SPTBN1: variants seen among roughly 807,000 people sequenced by gnomAD.
SPTBN1 encodes spectrin beta, non-erythrocytic 1.
A neutral mutation model predicts 266.4 loss-of-function variants in SPTBN1; 32 were observed. That is an observed-to-expected ratio of 0.12 (90% confidence interval 0.09 to 0.16). SPTBN1 has a LOEUF of 0.16. Among genes scored for constraint, SPTBN1 ranks in the 10% least tolerant of loss-of-function variants. The pLI is 1.00. For synonymous variants in SPTBN1, 1,336 were observed against 1,162.2 expected, an observed-to-expected ratio of 1.15 and a Z score of -3.04; for missense variants, 2,296 against 3,067.1, an observed-to-expected ratio of 0.75 and a Z score of 5.94.
At chr2:54,623,629 ACCT>A (rs1426174978) in intron 10 of SPTBN1, 33 bp downstream of exon 10, 1 of 1,559,812 alleles carries the variant, frequency 6.4e-7, no homozygotes, top group East Asian at 2.2e-5. Context: ...ATGGGCCCTG[ACCT>A]CCTGGAGGCT....
chr2:54,462,078 T>C (rs1386236705), intron 1 of SPTBN1, among the ~76,000 whole-genome samples: 1 of 152,252 alleles, frequency 6.6e-6, no homozygotes, highest in Non-Finnish European at 1.5e-5. Context: ...GTACTGGCCT[T>C]GAGCTAGTTA....
chr2:54,512,937 G>A (rs1186605060), intron 1 of SPTBN1, among the ~76,000 whole-genome samples: 1 of 152,212 alleles, frequency 6.6e-6, no homozygotes, highest in Non-Finnish European at 1.5e-5. Context: ...GGTGGCTTAG[G>A]CATGTAATCC....
rs375130631 is a variant in SPTBN1, at chr2:54,628,222, C to T, written c.1770C>T (p.Ser590=). The T allele has an allele frequency of 3.5e-5, 56 of 1,613,428 alleles. No homozygotes were observed. Among genetic ancestry groups the T allele is most frequent in the Middle Eastern group, 3.3e-4 (2 of 6,074 alleles). Residue 590 remains serine, a synonymous_variant, in exon 13 of 36, where the codon TCC becomes TCT. Transcript: ENST00000356805. The surrounding 1 kb of genome is among the most constrained non-coding windows in gnomAD (Gnocchi z 4.3). The part of the protein sequence containing the change: ...QAERVRGVNA[S]AQKFATDGEG... ...AGCGGGTGAGAGGTGTCAATGCCTC[C>T]GCCCAGAAGTTCGCAACAGACGGGG...
At chr2:54,576,408 C>T (rs930829548) in intron 2 of SPTBN1, among the ~76,000 whole-genome samples, 6 of 152,092 alleles carry the variant, frequency 3.9e-5, no homozygotes, top group South Asian at 2.1e-4. Flanking sequence ...AAAGCTGGAA[C>T]GTTGATGTCA....
intron 1 of SPTBN1, among the ~76,000 whole-genome samples, chr2:54,503,893 A>G (rs1033259707): frequency 3.9e-5 from 6 of 152,188 alleles, no homozygotes; most frequent in Non-Finnish European, 8.8e-5. Flanking sequence ...GATGTTAAGG[A>G]TATTTCCAGG....
At chr2:54,502,483 G>A (rs1669327767) in intron 1 of SPTBN1, among the ~76,000 whole-genome samples, 1 of 152,188 alleles carries the variant, frequency 6.6e-6, no homozygotes, top group Non-Finnish European at 1.5e-5. Context: ...GATACCTTCT[G>A]CCATTTAGAG....
Position 54,540,943 on chromosome 2 carries a change from C to T in SPTBN1, c.148+14377C>T, listed in dbSNP as rs1671898607. On this transcript the variant is annotated intron_variant, in intron 2 of 35. Coordinates refer to ENST00000356805, the MANE Select transcript of SPTBN1 (RefSeq NM_003128.3). This position sits in a 1 kb window ranked among gnomAD's most constrained non-coding sequence, Gnocchi z 5.6. The stretch of plus-strand genomic sequence containing the variant: ...TTCATCTGCCCCTCACTGTAGAGCA[C>T]AAGTGGAGGAGAATGTTGTCGTCGT... Among the ~76,000 whole-genome samples the T allele has an allele frequency of 6.6e-6, 1 of 152,196 alleles. No individual in the cohort carries two copies. The highest frequency in any genetic ancestry group is 2.4e-5 in the African/African-American group (1 of 41,442).
At chr2:54,568,293 T>C (rs1436629191) in intron 2 of SPTBN1, among the ~76,000 whole-genome samples, 2 of 140,524 alleles carry the variant, frequency 1.4e-5, no homozygotes, top group Non-Finnish European at 3.0e-5. Flanking sequence ...GAAGTTGCAG[T>C]GAGTCGAGAT....
chr2:54,543,775 G>A (rs1672074488), intron 2 of SPTBN1, among the ~76,000 whole-genome samples: 1 of 151,924 alleles, frequency 6.6e-6, no homozygotes, highest in Non-Finnish European at 1.5e-5. Context: ...TGATAAATTG[G>A]TCCCCCCTCC....
At chr2:54,532,578 G>A (rs993613739) in intron 2 of SPTBN1, among the ~76,000 whole-genome samples, 34 of 152,178 alleles carry the variant, frequency 2.2e-4, no homozygotes, top group African/African-American at 8.0e-4. Context: ...AGTTTGGAAG[G>A]AAGCTGAGGA....
At chr2:54,460,294 A>G (rs564385140) in intron 1 of SPTBN1, among the ~76,000 whole-genome samples, 37 of 152,082 alleles carry the variant, frequency 2.4e-4, no homozygotes, top group African/African-American at 8.2e-4. Context: ...GTATCAGCAC[A>G]TTTTTTTCCT....
At chr2:54,523,356 T>C (rs1423509071) in intron 1 of SPTBN1, among the ~76,000 whole-genome samples, 1 of 152,220 alleles carries the variant, frequency 6.6e-6, no homozygotes, top group Non-Finnish European at 1.5e-5. Context: ...CCATTCAGGA[T>C]TTTTCTATTA....
intron 32 of SPTBN1, chr2:54,661,024 A>G: frequency 1.0e-6 from 1 of 985,380 alleles, no homozygotes; most frequent in South Asian, 4.7e-5. Context: ...CACTTGGTGG[A>G]CCGTGCCTGG....
chr2:54,563,371 T>G (rs909621434), intron 2 of SPTBN1, among the ~76,000 whole-genome samples: 1 of 152,154 alleles, frequency 6.6e-6, no homozygotes, highest in Admixed American at 6.5e-5. Context: ...AGGTGCATTC[T>G]CTAGCTATTC....
At chr2:54,608,286 C>T (rs1676983833) in intron 3 of SPTBN1, among the ~76,000 whole-genome samples, 1 of 152,148 alleles carries the variant, frequency 6.6e-6, no homozygotes, top group African/African-American at 2.4e-5. Context: ...GAAACAACAG[C>T]AAAATTATAA....
chr2:54,642,133 C>G (rs1377206893), intron 18 of SPTBN1, among the ~76,000 whole-genome samples: 1 of 152,224 alleles, frequency 6.6e-6, no homozygotes, highest in Non-Finnish European at 1.5e-5. Flanking sequence ...AATCAGGACT[C>G]TGGCATGGCC....
At position 54,644,505 on chromosome 2, in the gene SPTBN1, G is replaced by A. The variant is rs1479324633; in HGVS notation, c.4188G>A (p.Leu1396=). ...TQSCADLDKW[L]HGLESQIQSD... ...GCTGTGCAGATCTAGACAAATGGCT[G>A]CACGGCCTGGAGAGTCAGATTCAGT... is the stretch of plus-strand genomic sequence containing the variant. Residue 1396 remains leucine (L), a synonymous_variant, in exon 20 of 36, where the codon CTG becomes CTA. Transcript: ENST00000356805. 1 of 1,614,098 alleles carries A rather than the reference G, an allele frequency of 6.2e-7. No individual in the cohort carries two copies. The highest frequency in any genetic ancestry group is 1.7e-5 in the Admixed American group (1 of 60,004).
chr2:54,522,664 GA>G (rs1354215792), intron 1 of SPTBN1, among the ~76,000 whole-genome samples: 10 of 89,272 alleles, frequency 1.1e-4, no homozygotes, highest in Non-Finnish European at 2.2e-4. Flanking sequence ...GAGAAAGAGA[GA>G]GAGAGAGAGA....
chr2:54,643,433 G>T (rs1454946510), intron 19 of SPTBN1, among the ~76,000 whole-genome samples: 1 of 152,174 alleles, frequency 6.6e-6, no homozygotes, highest in Non-Finnish European at 1.5e-5. Flanking sequence ...CTCATGCAGG[G>T]ATTCCACTGT....
Sources: gnomAD v4.1 joint callset for allele counts (sites outside exome capture counted in the v4.1 genomes callset) on GRCh38, gnomAD v4.1.1 for gene constraint, Gnocchi (gnomAD v3.1) non-coding constraint, MANE v1.5 for transcripts, NCBI Gene and HGNC (gene_info 2026-07-23, HGNC 2026-07-21) for gene names.